FNIP2: variants seen among roughly 807,000 people sequenced by gnomAD.
The protein encoded by FNIP2 is folliculin interacting protein 2.
In FNIP2, 32 loss-of-function variants were observed where a neutral mutation model predicts 108.7. That is an observed-to-expected ratio of 0.29 (90% confidence interval 0.22 to 0.40). The LOEUF (loss-of-function observed/expected upper bound fraction) is 0.40. Among genes scored for constraint, FNIP2 ranks in the 10% least tolerant of loss-of-function variants. The pLI is 1.00. For synonymous variants in FNIP2, 480 were observed against 496.7 expected, an observed-to-expected ratio of 0.97 and a Z score of 0.45; for missense variants, 1,202 against 1,381.6, an observed-to-expected ratio of 0.87 and a Z score of 2.06.
chr4:158,878,875 A>T (rs1234644292), intron 14 of FNIP2, among the ~76,000 whole-genome samples: 6 of 151,234 alleles, frequency 4.0e-5, no homozygotes, highest in Admixed American at 6.6e-5. Context: ...AAGAACTAAA[A>T]ACAACTTCTA....
At chr4:158,883,704 TA>T (rs2126754096) in intron 14 of FNIP2, among the ~76,000 whole-genome samples, 1 of 152,276 alleles carries the variant, frequency 6.6e-6, no homozygotes, top group South Asian at 2.1e-4. Context: ...TGAAGATTGA[TA>T]AAGGGTCAGT....
intron 1 of FNIP2, among the ~76,000 whole-genome samples, chr4:158,773,144 T>C (rs902817895): frequency 6.6e-6 from 1 of 152,244 alleles, no homozygotes; most frequent in Non-Finnish European, 1.5e-5. Context: ...ACATTTTTAA[T>C]GCCAATAATA....
chr4:158,843,829 G>A (rs1779255719), intron 7 of FNIP2, among the ~76,000 whole-genome samples: 2 of 152,190 alleles, frequency 1.3e-5, no homozygotes, highest in Non-Finnish European at 2.9e-5. Context: ...GGCTGCTGAA[G>A]ACAGAGAAGA....
At chr4:158,876,292 G>A (rs577135888) in intron 14 of FNIP2, among the ~76,000 whole-genome samples, 6 of 152,278 alleles carry the variant, frequency 3.9e-5, no homozygotes, top group Non-Finnish European at 7.3e-5. Flanking sequence ...ACTTTCTAAA[G>A]CATGAGACAA....
Position 158,868,263 on chromosome 4 carries a change from G to A in FNIP2, c.1627G>A (p.Glu543Lys). 3 of 1,614,078 alleles carry A rather than the reference G, an allele frequency of 1.9e-6. No individual in the cohort carries two copies. The change falls in exon 13 of 17, where the codon GAA (glutamate) becomes AAA (lysine). Residue 543 changes from glutamate to lysine, a missense_variant. Transcript: ENST00000264433. The surrounding 1 kb of genome is among the most constrained non-coding windows in gnomAD (Gnocchi z 4.6). ...NQLTWSGNHG[E>K]GDQVLNGSKI... ...GCTGACCTGGAGTGGCAATCATGGT[G>A]AAGGTGACCAAGTTTTAAATGGGAG...
chr4:158,787,985 G>T (rs1316088688), intron 1 of FNIP2, among the ~76,000 whole-genome samples: 1 of 152,148 alleles, frequency 6.6e-6, no homozygotes, highest in African/African-American at 2.4e-5. Flanking sequence ...CTCCTAACTA[G>T]TGTGGTGATT....
At chr4:158,791,745 A>G (rs1369999309) in intron 1 of FNIP2, among the ~76,000 whole-genome samples, 18 of 152,200 alleles carry the variant, frequency 1.2e-4, no homozygotes, top group Middle Eastern at 3.2e-3. Flanking sequence ...AATGTCAGTA[A>G]TGCCCTCTGT....
chr4:158,833,425 G>T, intron 5 of FNIP2, 103 bp from the exon 6 acceptor site: 1 of 673,310 alleles, frequency 1.5e-6, no homozygotes, highest in South Asian at 1.9e-5. Context: ...TTGAGTGACT[G>T]ATCAGTCGTT....
intron 16 of FNIP2, 74 bp downstream of exon 16, chr4:158,895,939 C>T: frequency 9.1e-7 from 1 of 1,095,826 alleles, no homozygotes; most frequent in South Asian, 1.3e-5. Flanking sequence ...ACGTGTTTAG[C>T]CTGTGTCACC....
chr4:158,792,424 G>A (rs1442173341), intron 1 of FNIP2, among the ~76,000 whole-genome samples: 2 of 148,316 alleles, frequency 1.3e-5, no homozygotes, highest in South Asian at 2.1e-4. Flanking sequence ...TAGCCCCCAC[G>A]TATAGTGCTG....
chr4:158,854,742 T>G (rs1779889903), intron 8 of FNIP2, among the ~76,000 whole-genome samples: 1 of 152,216 alleles, frequency 6.6e-6, no homozygotes, highest in Admixed American at 6.5e-5. Context: ...CAAAGAAATA[T>G]GATCTAATGG....
intron 1 of FNIP2, among the ~76,000 whole-genome samples, chr4:158,805,350 C>T (rs532837231): frequency 1.3e-5 from 2 of 152,118 alleles, no homozygotes; most frequent in African/African-American, 4.8e-5. Flanking sequence ...AAAATGTTTT[C>T]TTCGTGAACC....
intron 16 of FNIP2, among the ~76,000 whole-genome samples, chr4:158,900,520 C>T (rs903107229): frequency 3.3e-5 from 5 of 152,210 alleles, no homozygotes; most frequent in African/African-American, 4.8e-5. Flanking sequence ...CTGGGTCCTT[C>T]TGTATTGGTT....
intron 6 of FNIP2, 43 bp downstream of exon 6, chr4:158,833,671 C>A: frequency 6.6e-7 from 1 of 1,523,804 alleles, no homozygotes; most frequent in Non-Finnish European, 9.1e-7. Context: ...TCTGAATACA[C>A]TATTGTGGGT....
chr4:158,825,143 A>C (rs535448311), intron 1 of FNIP2, among the ~76,000 whole-genome samples: 2 of 152,350 alleles, frequency 1.3e-5, no homozygotes, highest in East Asian at 3.9e-4. Context: ...ACACTCAAAT[A>C]TGTGTTGACT....
intron 14 of FNIP2, among the ~76,000 whole-genome samples, chr4:158,875,221 A>G (rs1560823296): frequency 6.6e-6 from 1 of 152,144 alleles, no homozygotes; most frequent in Admixed American, 6.5e-5. Context: ...CTGTACACAC[A>G]TTCATTGAGT....
chr4:158,904,409 T>C (rs1254992715), intron 16 of FNIP2, 57 bp from the exon 17 acceptor site: 1 of 1,408,428 alleles, frequency 7.1e-7, no homozygotes, highest in Non-Finnish European at 1.0e-6. Context: ...GAAATAATAC[T>C]TTCTCATAAA....
Position 158,891,437 on chromosome 4 carries a change from C to G in FNIP2, c.2950-9C>G. ...TAAATAAACCCATCCCTTTGTGTTT[C>G]TTTTTCAGCATCCAGTCCTGGATGA... On this transcript the variant is annotated splice_polypyrimidine_tract_variant and intron_variant, in intron 14 of 16. Transcript: ENST00000264433. The G allele has an allele frequency of 2.5e-6, 4 of 1,584,052 alleles. No homozygotes were observed. The highest frequency in any genetic ancestry group is 3.4e-6 in the Non-Finnish European group (4 of 1,163,944).
chr4:158,770,347 G>A (rs1383763526), intron 1 of FNIP2, among the ~76,000 whole-genome samples: 1 of 152,194 alleles, frequency 6.6e-6, no homozygotes, highest in African/African-American at 2.4e-5. Context: ...TCCCAATTCT[G>A]ACACTATGCT....
Sources: gnomAD v4.1 joint callset for allele counts (sites outside exome capture counted in the v4.1 genomes callset) on GRCh38, gnomAD v4.1.1 for gene constraint, Gnocchi (gnomAD v3.1) non-coding constraint, MANE v1.5 for transcripts, NCBI Gene and HGNC (gene_info 2026-07-23, HGNC 2026-07-21) for gene names.